CFAP221: variants seen among roughly 807,000 people sequenced by gnomAD.
The protein encoded by CFAP221 is cilia and flagella associated protein 221.
A neutral mutation model predicts 113.1 loss-of-function variants in CFAP221; 97 were observed. That is an observed-to-expected ratio of 0.86 (90% CI 0.73 to 1.02). The LOEUF is 1.02. Ranked by LOEUF, CFAP221 falls within the 50% of genes least tolerant of loss-of-function variation. The probability of loss-of-function intolerance (pLI) is 0.00; values close to 1 mark genes in which losing one functional copy is unlikely to be tolerated. For synonymous variants in CFAP221, 331 were observed against 354.4 expected, an observed-to-expected ratio of 0.93 and a Z score of 0.74; for missense variants, 1,025 against 1,013.4, an observed-to-expected ratio of 1.01 and a Z score of -0.16.
At chr2:119,546,388 A>G in intron 2 of CFAP221, 118 bp downstream of exon 2, 19 of 1,176,824 alleles carry the variant, frequency 1.6e-5, no homozygotes, top group Non-Finnish European at 2.2e-5. Flanking sequence ...ATAGGCTTAT[A>G]CTAATTTTTA....
intron 5 of CFAP221, among the ~76,000 whole-genome samples, chr2:119,561,339 G>T (rs146736564): frequency 4.0e-4 from 61 of 152,220 alleles, no homozygotes; most frequent in African/African-American, 1.5e-3. Flanking sequence ...CTTTCAGATG[G>T]AATATTCTGT....
intron 19 of CFAP221, among the ~76,000 whole-genome samples, chr2:119,633,325 C>T (rs1686911030): frequency 8.0e-6 from 1 of 125,002 alleles, no homozygotes; most frequent in African/African-American, 3.0e-5. Flanking sequence ...AGATAAAACA[C>T]CAAAAAACCA....
In CFAP221 at chr2:119,601,200, T is replaced by C. The variant is rs768586424; in HGVS notation, c.632-18T>C. On this transcript the variant is annotated intron_variant, in intron 7 of 23. Transcript: ENST00000413369. Reference sequence around the variant, plus strand: ...CAAGAAGAGAGGGTATCACATTTTCTCATTTCTTTCCTCTCAGGAATAATT... The same window carrying C: ...CAAGAAGAGAGGGTATCACATTTTCCCATTTCTTTCCTCTCAGGAATAATT... 1.3e-6 allele frequency: 2 copies of C among 1,507,998 alleles called. No individual in the cohort carries two copies. The highest frequency in any genetic ancestry group is 2.5e-5 in the South Asian group (2 of 80,874). 93.4% of individuals were successfully genotyped at this position (1,507,998 alleles called of 1,614,324 possible).
intron 3 of CFAP221, among the ~76,000 whole-genome samples, chr2:119,555,577 A>G (rs1010119832): frequency 6.6e-6 from 1 of 152,202 alleles, no homozygotes. Context: ...CTGAAGGGAT[A>G]TTATTTATAA....
intron 21 of CFAP221, among the ~76,000 whole-genome samples, chr2:119,641,642 A>C (rs570679065): frequency 6.6e-6 from 1 of 152,296 alleles, no homozygotes; most frequent in Admixed American, 6.5e-5. Flanking sequence ...ATAAAAGTGC[A>C]ATGATCTTGT....
chr2:119,559,271 C>T (rs1232055914), intron 3 of CFAP221, among the ~76,000 whole-genome samples: 1 of 152,114 alleles, frequency 6.6e-6, no homozygotes. Context: ...TCTCAGTGTC[C>T]TCTGGGCCCC....
intron 15 of CFAP221, among the ~76,000 whole-genome samples, chr2:119,627,115 TCCTC>T (rs1236554429): frequency 2.0e-5 from 3 of 151,720 alleles, no homozygotes; most frequent in East Asian, 1.9e-4. Context: ...TCCAGACTCT[TCCTC>T]CCTTCCTGGC....
intron 22 of CFAP221, chr2:119,648,423 A>T (rs749016266): frequency 7.2e-6 from 2 of 276,594 alleles, no homozygotes; most frequent in South Asian, 3.2e-5. Context: ...TTGATTTTTC[A>T]TGTCTTTGGG....
At chr2:119,603,171 C>T (rs1222411323) in intron 8 of CFAP221, among the ~76,000 whole-genome samples, 1 of 152,204 alleles carries the variant, frequency 6.6e-6, no homozygotes, top group Admixed American at 6.5e-5. Context: ...GATAGACTTA[C>T]TCATGTCTAA....
intron 2 of CFAP221, among the ~76,000 whole-genome samples, chr2:119,548,434 C>T (rs531050904): frequency 5.3e-5 from 8 of 152,182 alleles, no homozygotes; most frequent in Non-Finnish European, 8.8e-5. Flanking sequence ...GGGTTCTCAG[C>T]ACCTTCTCCA....
chr2:119,546,985 A>G (rs1680095262), intron 2 of CFAP221, among the ~76,000 whole-genome samples: 1 of 152,218 alleles, frequency 6.6e-6, no homozygotes, highest in Non-Finnish European at 1.5e-5. Context: ...CAAAGAGACC[A>G]CATTATTTCC....
At chr2:119,657,549 A>G (rs1360678015), downstream of CFAP221, among the ~76,000 whole-genome samples, 1 of 152,240 alleles carries the variant, frequency 6.6e-6, no homozygotes, top group Non-Finnish European at 1.5e-5. Flanking sequence ...AACTTGCAAA[A>G]TAGTACAGAA....
intron 14 of CFAP221, among the ~76,000 whole-genome samples, chr2:119,624,837 A>G (rs931422880): frequency 6.6e-6 from 1 of 152,150 alleles, no homozygotes; most frequent in Non-Finnish European, 1.5e-5. Context: ...ACATGGACAC[A>G]GGGAGGGGAA....
chr2:119,634,817 A>AG (rs1318161972), intron 19 of CFAP221, among the ~76,000 whole-genome samples: 1 of 152,204 alleles, frequency 6.6e-6, no homozygotes, highest in Non-Finnish European at 1.5e-5. Flanking sequence ...AGGCTGAGAG[A>AG]GGGGAAAACG....
intron 8 of CFAP221, among the ~76,000 whole-genome samples, chr2:119,604,232 G>A (rs1684563631): frequency 6.6e-6 from 1 of 152,026 alleles, no homozygotes; most frequent in South Asian, 2.1e-4. Context: ...TCAAGAGATC[G>A]AGACCATCCT....
At chr2:119,623,051 T>C (rs1471470000) in intron 14 of CFAP221, among the ~76,000 whole-genome samples, 1 of 152,188 alleles carries the variant, frequency 6.6e-6, no homozygotes, top group Non-Finnish European at 1.5e-5. Flanking sequence ...TAAAGGGTAT[T>C]CAAATAGGAA....
intron 11 of CFAP221, among the ~76,000 whole-genome samples, chr2:119,606,211 A>G (rs1268768605): frequency 2.0e-5 from 3 of 151,056 alleles, no homozygotes; most frequent in African/African-American, 7.3e-5. Flanking sequence ...TATGTTGCCC[A>G]GGTGGGACCC....
chr2:119,592,701 T>C (rs1683682475), intron 7 of CFAP221, among the ~76,000 whole-genome samples: 1 of 152,230 alleles, frequency 6.6e-6, no homozygotes, highest in African/African-American at 2.4e-5. Context: ...TGCTCGCATG[T>C]TTGACAGTGT....
rs537092609 is a variant in CFAP221 at position 119,601,350 on chromosome 2, G to A, written c.764G>A (p.Gly255Glu). Residue 255 changes from glycine to glutamate, a missense_variant, in exon 8 of 24, where the codon GGA becomes GAA. Transcript: ENST00000413369. ...NSQPYECVFT[G>E]TCYPNMALPL... ...CAACCATACGAATGTGTCTTCACCG[G>A]AACATGCTATCCCAACATGGCCTTA... The A allele has an allele frequency of 2.0e-6, 3 of 1,532,252 alleles. No homozygotes were observed. The highest frequency in any genetic ancestry group is 1.4e-5 in the African/African-American group (1 of 73,130). The allele number at this position is 1,532,252 out of a possible 1,614,324, so 94.9% of individuals were successfully genotyped here. A position where few individuals can be genotyped will look rare whatever the true frequency, so the allele number is the denominator to read the frequency against.
Sources: allele counts gnomAD v4.1 joint callset (sites outside exome capture counted in the v4.1 genomes callset), GRCh38; gene constraint gnomAD v4.1.1; transcripts MANE v1.5; gene names NCBI Gene and HGNC (gene_info 2026-07-23, HGNC 2026-07-21).